Variants in AMMECR1 observed in about 807,000 individuals in gnomAD.
AMMECR1 encodes nuclear protein AMMECR1.
AMMECR1 carries 3 observed loss-of-function variants against 22.5 expected under a neutral mutation model. The ratio of observed to expected loss-of-function variants is 0.13; its 90% CI spans 0.06 to 0.35. The LOEUF (loss-of-function observed/expected upper bound fraction) is 0.35, where lower values mean the gene tolerates loss of function less well. AMMECR1 is among the 10% of genes least tolerant of loss of function. AMMECR1 has a pLI of 1.00. For synonymous variants in AMMECR1, 130 were observed against 116.7 expected (o/e 1.11, Z -0.74); for missense variants, 235 against 278.7 (o/e 0.84, Z 1.12).
chrX:110,356,894 A>T (rs1602923054), intron 2 of AMMECR1, among the ~76,000 whole-genome samples: 1 of 111,438 alleles, frequency 9.0e-6, no homozygotes, highest in South Asian at 3.8e-4. Flanking sequence ...CTTCTCCCTG[A>T]TTTTCAAGTC....
chrX:110,217,885 A>G (rs969218100), intron 2 of AMMECR1, among the ~76,000 whole-genome samples: 1 of 110,879 alleles, frequency 9.0e-6, no homozygotes, highest in African/African-American at 3.3e-5. Flanking sequence ...TTTGCACCAC[A>G]TTTTGGTGCT....
intron 2 of AMMECR1, among the ~76,000 whole-genome samples, chrX:110,323,780 T>C (rs1043762736): frequency 2.7e-5 from 3 of 112,038 alleles, no homozygotes; most frequent in Non-Finnish European, 3.8e-5. Flanking sequence ...TTCTCTCATT[T>C]ACCTAGTGGT....
At chrX:110,213,162 A>G (rs1264102958) in intron 3 of AMMECR1, among the ~76,000 whole-genome samples, 1 of 112,254 alleles carries the variant, frequency 8.9e-6, no homozygotes, top group African/African-American at 3.2e-5. Flanking sequence ...ATTCAGTGGT[A>G]TTAAATACAT....
intron 2 of AMMECR1, among the ~76,000 whole-genome samples, chrX:110,378,249 T>C (rs1051090657): frequency 2.7e-5 from 3 of 111,173 alleles, no homozygotes; most frequent in African/African-American, 6.6e-5. Context: ...GTTCATTGAA[T>C]AATTGCTTAT....
rs1298047915 is a variant in AMMECR1 at position 110,285,113 on chromosome X, C to A, written c.474-20514G>T. Among the ~76,000 whole-genome samples, 3 of 111,639 alleles carry A rather than the reference C, an allele frequency of 2.7e-5. No homozygotes were observed. The East Asian group carries it at 8.4e-4, about 31-fold the overall frequency. ...CTATAAGCTTTATGAAAACAAAGAC[C>A]CTGCCTAACCTTTTCATTATTATAT... On this transcript the variant is annotated intron_variant, in intron 1 of 5. Transcript: ENST00000262844.
intron 5 of AMMECR1, among the ~76,000 whole-genome samples, chrX:110,199,966 C>G (rs1182644802): frequency 9.0e-6 from 1 of 111,519 alleles, no homozygotes; most frequent in African/African-American, 3.3e-5. Flanking sequence ...ATATTTTCCT[C>G]TAATGATCAG....
intron 3 of AMMECR1, among the ~76,000 whole-genome samples, chrX:110,204,555 A>G (rs1321076726): frequency 8.9e-6 from 1 of 111,748 alleles, no homozygotes; most frequent in Non-Finnish European, 1.9e-5. Context: ...ACCTCTAATA[A>G]GCATTCTAGT....
At chrX:110,314,424 T>C (rs1371063763) in intron 1 of AMMECR1, among the ~76,000 whole-genome samples, 2 of 111,816 alleles carry the variant, frequency 1.8e-5, no homozygotes, top group Non-Finnish European at 3.8e-5. Flanking sequence ...ACTCACCTGG[T>C]GAGCTTTTAC....
In AMMECR1 at chrX:110,325,602, T is replaced by A. The variant is rs1291499329; in HGVS notation, c.-147-7753A>T. On this transcript the variant is annotated intron_variant, in intron 2 of 7. Coordinates refer to the AMMECR1 transcript ENST00000372057. ...CATACAAATGCTCATAGTATTCTCT[T>A]ATAATTCCCTGTATTTCTGTAAGGT... is the stretch of plus-strand genomic sequence containing the variant. Among the ~76,000 whole-genome samples the A allele has an allele frequency of 4.4e-5, 5 of 112,443 alleles. No homozygotes were observed. The Admixed American group carries it at 4.7e-4, about 11-fold the overall frequency.
chrX:110,242,245 AT>A lies in AMMECR1; in HGVS notation c.584+22243del, dbSNP rs745388174. 6.2e-5 allele frequency among the ~76,000 whole-genome samples: 7 copies of A among 112,033 alleles called. No individual in the cohort carries two copies. In the South Asian group the frequency reaches 2.2e-3, roughly 36 times the overall value. On this transcript the variant is annotated intron_variant, in intron 2 of 5. Coordinates refer to ENST00000262844, the MANE Select transcript of AMMECR1 (RefSeq NM_015365.3). The stretch of plus-strand genomic sequence containing the variant: ...AAATCAGAGCAACAATATAAAAAAA[AT>A]GGCTGTAAGATTTCTTGTTTCTATA...
chrX:110,383,167 C>T (rs894180729), intron 2 of AMMECR1, among the ~76,000 whole-genome samples: 1 of 111,649 alleles, frequency 9.0e-6, no homozygotes, highest in Non-Finnish European at 1.9e-5. Flanking sequence ...TTGCACCCAA[C>T]CTGATGGTAG....
intron 2 of AMMECR1, among the ~76,000 whole-genome samples, chrX:110,331,860 T>C (rs1234039647): frequency 8.9e-6 from 1 of 111,769 alleles, no homozygotes; most frequent in Non-Finnish European, 1.9e-5. Flanking sequence ...TCCTTGAGTA[T>C]GCTATGTATT....
At chrX:110,425,650 A>C (rs1201201613) in intron 2 of AMMECR1, among the ~76,000 whole-genome samples, 1 of 112,410 alleles carries the variant, frequency 8.9e-6, no homozygotes, top group East Asian at 2.8e-4. Context: ...CTAAACACTC[A>C]CTAATTCATT....
intron 2 of AMMECR1, among the ~76,000 whole-genome samples, chrX:110,353,763 A>G (rs1483776023): frequency 8.9e-6 from 1 of 111,878 alleles, no homozygotes; most frequent in Non-Finnish European, 1.9e-5. Context: ...TGTGTACTTG[A>G]GAATGATAGA....
At chrX:110,266,686 CT>C (rs1437198689) in intron 1 of AMMECR1, among the ~76,000 whole-genome samples, 86 of 102,971 alleles carry the variant, frequency 8.4e-4, no homozygotes, top group Admixed American at 9.3e-4. Context: ...CAGCCTGTCT[CT>C]TTTTTTTTTT....
chrX:110,381,611 A>G (rs947328281), intron 2 of AMMECR1, among the ~76,000 whole-genome samples: 3 of 111,721 alleles, frequency 2.7e-5, no homozygotes, highest in Non-Finnish European at 1.9e-5. Flanking sequence ...TACCAAAAAG[A>G]CACCTGCACT....
At chrX:110,424,111 A>G (rs2068737760) in intron 2 of AMMECR1, among the ~76,000 whole-genome samples, 1 of 111,682 alleles carries the variant, frequency 9.0e-6, no homozygotes, top group Admixed American at 9.5e-5. Flanking sequence ...TTTACAATGA[A>G]GAGACTGAGG....
intron 1 of AMMECR1, among the ~76,000 whole-genome samples, chrX:110,272,499 A>C (rs773322161): frequency 8.9e-6 from 1 of 112,063 alleles, no homozygotes; most frequent in South Asian, 3.8e-4. Context: ...AAAACAGTTA[A>C]GCGTTTTTTA....
intron 2 of AMMECR1, among the ~76,000 whole-genome samples, chrX:110,383,413 A>G (rs1195388418): frequency 9.0e-6 from 1 of 111,615 alleles, no homozygotes; most frequent in Non-Finnish European, 1.9e-5. Flanking sequence ...AAGTGGCAGA[A>G]TCTTACAGTA....
Sources: allele counts gnomAD v4.1 joint callset (sites outside exome capture counted in the v4.1 genomes callset), GRCh38; gene constraint gnomAD v4.1.1; transcripts MANE v1.5; gene names NCBI Gene and HGNC (gene_info 2026-07-23, HGNC 2026-07-21).